The following JAKMIP3 variants were observed in gnomAD, a reference collection of about 807,000 sequenced individuals.
The protein encoded by JAKMIP3 is janus kinase and microtubule-interacting protein 3.
JAKMIP3 carries 58 observed loss-of-function variants against 118.5 expected under a neutral mutation model. The ratio of observed to expected loss-of-function variants is 0.49; its 90% CI spans 0.40 to 0.61. The LOEUF (loss-of-function observed/expected upper bound fraction) is 0.61, where lower values mean the gene tolerates loss of function less well. Ranked by LOEUF, JAKMIP3 falls within the 20% of genes least tolerant of loss-of-function variation. The pLI, the probability that JAKMIP3 is intolerant of heterozygous loss-of-function variation, is 0.00. For synonymous variants in JAKMIP3, 486 were observed against 451.2 expected (o/e 1.08, Z -0.98); for missense variants, 950 against 1,109.0 (o/e 0.86, Z 2.04).
chr10:132,045,198 G>T lies in JAKMIP3; in HGVS notation c.-138+8460G>T, dbSNP rs117378267. Among the ~76,000 whole-genome samples, 9 of 152,212 alleles carry T rather than the reference G, an allele frequency of 5.9e-5. No homozygotes were observed. The South Asian group carries it at 1.9e-3, about 32-fold the overall frequency. On this transcript the variant is annotated intron_variant, in intron 1 of 23. Coordinates refer to the JAKMIP3 transcript ENST00000657785. ...CAACGCTCCCTTTCCATTCTGTTCC[G>T]TTTTGATCCCGGCCATCCTCACGGG...
chr10:132,140,448 A>G lies in JAKMIP3; in HGVS notation c.1345-3A>G. 6.2e-7 allele frequency: 1 copy of G among 1,613,680 alleles called. No individual in the cohort carries two copies. Among genetic ancestry groups the G allele is most frequent in the Admixed American group, 1.7e-5 (1 of 60,026 alleles). ...AACTGACACGTCGCATTTTGGTCAC[A>G]AGCCGGTGGTTGTGGAGACCTTCTT... On this transcript the variant is annotated splice_region_variant and splice_polypyrimidine_tract_variant and intron_variant, in intron 9 of 23. Transcript: ENST00000684848.
At chr10:132,124,758 G>A (rs1374723808) in intron 3 of JAKMIP3, among the ~76,000 whole-genome samples, 11 of 152,332 alleles carry the variant, frequency 7.2e-5, no homozygotes, top group African/African-American at 2.2e-4. Flanking sequence ...GTGCGTTCAT[G>A]GGGCGACGAG....
At chr10:132,119,956 A>C (rs1425226201) in intron 3 of JAKMIP3, among the ~76,000 whole-genome samples, 2 of 152,216 alleles carry the variant, frequency 1.3e-5, no homozygotes, top group Non-Finnish European at 2.9e-5. Context: ...TCCCGTGAGC[A>C]GGAATCATGT....
chr10:132,150,846 C>T (rs537295565), intron 16 of JAKMIP3, among the ~76,000 whole-genome samples: 4 of 152,314 alleles, frequency 2.6e-5, no homozygotes, highest in African/African-American at 9.6e-5. Flanking sequence ...ATTTATCCGT[C>T]CTCCATAATC....
At chr10:132,071,814 TTTC>T (rs1161553813) in intron 1 of JAKMIP3, among the ~76,000 whole-genome samples, 1 of 151,452 alleles carries the variant, frequency 6.6e-6, no homozygotes, top group African/African-American at 2.4e-5. Flanking sequence ...TTTCCTTTCC[TTTC>T]TTTTCTTTCC....
At position 132,180,616 on chromosome 10, in the gene JAKMIP3, C is replaced by G. The variant is rs202128752; in HGVS notation, c.*1104-1741C>G. ...GTGTGTGCGTGCGCGTGTGTGTGTG[C>G]GTGTGTGTGCGTGTGTGCGTGCGTG... On this transcript the variant is annotated intron_variant, in intron 23 of 23. Transcript: ENST00000684848. Among the ~76,000 whole-genome samples, 3 of 14,606 alleles carry G rather than the reference C, an allele frequency of 2.1e-4. 1 individual carries two copies. The East Asian group carries it at 0.015, about 73-fold the overall frequency. 9.6% of individuals were successfully genotyped at this position (14,606 alleles called of 152,430 possible).
In JAKMIP3 at chr10:132,133,535, C is replaced by T. The variant is rs1454363496; in HGVS notation, c.849+8C>T. Reference sequence around the variant, plus strand: ...GACCACTCGGGAAGCCCTGTAAGCACCTCCCAGGCCCACCGGCCCACCCCG... The same window carrying T: ...GACCACTCGGGAAGCCCTGTAAGCATCTCCCAGGCCCACCGGCCCACCCCG... On this transcript the variant is annotated splice_region_variant and intron_variant, in intron 4 of 23. Transcript: ENST00000684848. 6.4e-7 allele frequency: 1 copy of T among 1,554,156 alleles called. No homozygotes were observed. Among genetic ancestry groups the T allele is most frequent in the Non-Finnish European group, 8.7e-7 (1 of 1,149,802 alleles).
At chr10:132,141,203 G>T (rs974474019) in intron 10 of JAKMIP3, among the ~76,000 whole-genome samples, 6 of 152,202 alleles carry the variant, frequency 3.9e-5, no homozygotes, top group African/African-American at 1.4e-4. Context: ...GGCAGACCCT[G>T]GAGGGTGGCC....
intron 1 of JAKMIP3, among the ~76,000 whole-genome samples, chr10:132,082,590 T>C (rs1022554347): frequency 6.6e-6 from 1 of 152,126 alleles, no homozygotes; most frequent in African/African-American, 2.4e-5. Context: ...AGTATTCCAT[T>C]GTGTATATAT....
intron 2 of JAKMIP3, among the ~76,000 whole-genome samples, chr10:132,114,392 A>C (rs1043367226): frequency 6.6e-6 from 1 of 152,088 alleles, no homozygotes; most frequent in Non-Finnish European, 1.5e-5. Context: ...TTTTTTAATT[A>C]ATTTATTTTT....
intron 16 of JAKMIP3, 75 bp downstream of exon 16, chr10:132,150,116 G>A: frequency 8.3e-7 from 1 of 1,206,066 alleles, no homozygotes; most frequent in Non-Finnish European, 1.2e-6. Flanking sequence ...GGTCCAGGAG[G>A]CCCTGCCAGC....
At chr10:132,176,870 C>T (rs1774803262) in intron 23 of JAKMIP3, among the ~76,000 whole-genome samples, 1 of 152,030 alleles carries the variant, frequency 6.6e-6, no homozygotes, top group Non-Finnish European at 1.5e-5. Flanking sequence ...CGCGACTCCT[C>T]ATGGGTCACA....
Position 132,117,700 on chromosome 10 carries a change from A to C in JAKMIP3, c.633+126A>C. On this transcript the variant is annotated intron_variant, in intron 3 of 23. Coordinates refer to ENST00000684848, the MANE Select transcript of JAKMIP3 (RefSeq NM_001323087.2). This position sits in a 1 kb window ranked among gnomAD's most constrained non-coding sequence, Gnocchi z 8.6. Reference sequence around the variant, plus strand: ...GGAGCACGCGGGCAGCACCGGCTTCACCCCCCATGACATTCTTAGCACAGG... The same window carrying C: ...GGAGCACGCGGGCAGCACCGGCTTCCCCCCCCATGACATTCTTAGCACAGG... 1 of 1,116,546 alleles carries C rather than the reference A, an allele frequency of 9.0e-7. No individual in the cohort carries two copies. The highest frequency in any genetic ancestry group is 3.4e-5 in the South Asian group (1 of 29,320). The allele number at this position is 1,116,546 out of a possible 1,614,324, so 69.2% of individuals were successfully genotyped here.
intron 1 of JAKMIP3, among the ~76,000 whole-genome samples, chr10:132,071,967 T>C (rs2040029782): frequency 9.3e-6 from 1 of 107,258 alleles, no homozygotes; most frequent in African/African-American, 3.9e-5. Context: ...CCTTTCTTTT[T>C]TGAGATGGAG....
chr10:132,166,844 G>A, intron 21 of JAKMIP3, 139 bp from the exon 22 acceptor site: 3 of 673,654 alleles, frequency 4.5e-6, no homozygotes, highest in Admixed American at 5.0e-5. Context: ...CCTCGGCACA[G>A]TCCTTAATAG....
At chr10:132,148,306 C>T (rs1049991564) in intron 14 of JAKMIP3, among the ~76,000 whole-genome samples, 1 of 152,196 alleles carries the variant, frequency 6.6e-6, no homozygotes, top group African/African-American at 2.4e-5. Context: ...AGGATGAGGC[C>T]AGCCGCCCAA....
chr10:132,109,095 TATATATATACACACACAC>T lies in JAKMIP3; in HGVS notation c.135+4162_135+4179del, dbSNP rs1403675644. 6.2e-3 allele frequency among the ~76,000 whole-genome samples: 891 copies of T among 144,004 alleles called. 11 individuals carry two copies. The highest frequency in any genetic ancestry group is 0.022 in the African/African-American group (851 of 38,078). The allele number at this position is 144,004 out of a possible 152,430, so 94.5% of individuals were successfully genotyped here. A position where few individuals can be genotyped will look rare whatever the true frequency, so the allele number is the denominator to read the frequency against. On this transcript the variant is annotated intron_variant, in intron 2 of 23. Transcript: ENST00000684848. ...ACATACACATATATATACACACACATATATATATACACACACACATATATATATACACACACACATATA... is the reference window on the plus strand; with the variant it reads ...ACATACACATATATATACACACACATATATATATATACACACACACATATA...
intron 3 of JAKMIP3, among the ~76,000 whole-genome samples, chr10:132,128,780 T>C (rs2050079301): frequency 6.6e-6 from 1 of 152,244 alleles, no homozygotes; most frequent in African/African-American, 2.4e-5. Context: ...TTACTGCATT[T>C]TATTCATTTT....
intron 1 of JAKMIP3, among the ~76,000 whole-genome samples, chr10:132,090,049 A>G (rs1233227335): frequency 6.6e-6 from 1 of 152,148 alleles, no homozygotes; most frequent in Non-Finnish European, 1.5e-5. Flanking sequence ...TTGCATCCCA[A>G]GGATGAAGCC....
Sources: allele counts gnomAD v4.1 joint callset (sites outside exome capture counted in the v4.1 genomes callset), GRCh38; gene constraint gnomAD v4.1.1; non-coding constraint Gnocchi (gnomAD v3.1); transcripts MANE v1.5; gene names NCBI Gene and HGNC (gene_info 2026-07-23, HGNC 2026-07-21).